TAOK3: variants seen among roughly 807,000 people sequenced by gnomAD.
The protein encoded by TAOK3 is TAO kinase 3.
Under a neutral mutation model 120.4 loss-of-function variants are expected in TAOK3, and 40 were observed. The ratio of observed to expected loss-of-function variants is 0.33; its 90% CI spans 0.26 to 0.43. The LOEUF is 0.43. Ranked by LOEUF, TAOK3 falls within the 20% of genes least tolerant of loss-of-function variation. TAOK3 has a pLI of 1.00. For missense variants in TAOK3, 821 were observed against 1,112.1 expected (o/e 0.74, Z 3.72); for synonymous variants, 355 against 387.5 (o/e 0.92, Z 0.99).
chr12:118,251,732 C>T (rs1447640426), intron 3 of TAOK3, among the ~76,000 whole-genome samples: 1 of 152,106 alleles, frequency 6.6e-6, no homozygotes, highest in Non-Finnish European at 1.5e-5. Flanking sequence ...TCTCATTTTG[C>T]CACTATTATA....
chr12:118,151,257 C>T, intron 20 of TAOK3, 99 bp from the exon 21 acceptor site: 2 of 1,217,340 alleles, frequency 1.6e-6, no homozygotes, highest in Non-Finnish European at 2.3e-6. Context: ...CATGCACACA[C>T]ACATAGGCAC....
At chr12:118,223,742 C>G (rs1253746927) in intron 9 of TAOK3, among the ~76,000 whole-genome samples, 1 of 150,794 alleles carries the variant, frequency 6.6e-6, no homozygotes, top group African/African-American at 2.4e-5. Flanking sequence ...CTCCTGGGTT[C>G]AAGCAATTCC....
intron 15 of TAOK3, among the ~76,000 whole-genome samples, chr12:118,180,846 TA>T (rs1253141703): frequency 5.9e-5 from 9 of 151,374 alleles, no homozygotes; most frequent in African/African-American, 2.2e-4. Flanking sequence ...TACATAAGTA[TA>T]ATTTTTTTTT....
chr12:118,305,814 G>A (rs2043030755), intron 1 of TAOK3, among the ~76,000 whole-genome samples: 1 of 149,452 alleles, frequency 6.7e-6, no homozygotes, highest in South Asian at 2.1e-4. Context: ...TGAGGAAGGA[G>A]CATTGCTTGA....
intron 1 of TAOK3, among the ~76,000 whole-genome samples, chr12:118,333,106 A>G (rs76025774): frequency 0.014 from 2,159 of 152,254 alleles, 47 homozygotes; most frequent in African/African-American, 0.048. Context: ...CAAAGACAAA[A>G]GAATTGAACA....
intron 15 of TAOK3, among the ~76,000 whole-genome samples, chr12:118,178,314 C>T (rs1032242834): frequency 1.3e-5 from 2 of 152,110 alleles, no homozygotes; most frequent in African/African-American, 4.8e-5. Flanking sequence ...TTGTTGATAG[C>T]CCAAAGGTTA....
chr12:118,317,519 G>A (rs1475908351), intron 1 of TAOK3, among the ~76,000 whole-genome samples: 6 of 151,812 alleles, frequency 4.0e-5, no homozygotes, highest in African/African-American at 1.5e-4. Context: ...GGATGGTCTC[G>A]ATCTCCTGAC....
chr12:118,204,018 C>T lies in TAOK3; in HGVS notation c.820-2555G>A, dbSNP rs185121712. ...TGGTGGCTCACATCTGTAATCCCAG[C>T]ACTTTGGAAGGCCGAGGCAGGCTGA... is the stretch of plus-strand genomic sequence containing the variant. On this transcript the variant is annotated intron_variant, in intron 11 of 20. Transcript: ENST00000392533. Among the ~76,000 whole-genome samples the T allele has an allele frequency of 6.5e-3, 982 of 152,162 alleles. 13 individuals are homozygous for T. Among genetic ancestry groups the T allele is most frequent in the African/African-American group, 0.022 (929 of 41,508 alleles).
chr12:118,340,794 T>A (rs1056868372), intron 1 of TAOK3, among the ~76,000 whole-genome samples: 16 of 150,082 alleles, frequency 1.1e-4, no homozygotes, highest in Admixed American at 3.3e-4. Context: ...AAAAAAAACA[T>A]TGGCCGCACA....
intron 15 of TAOK3, among the ~76,000 whole-genome samples, chr12:118,177,717 G>A (rs1254235095): frequency 6.6e-6 from 1 of 152,038 alleles, no homozygotes; most frequent in East Asian, 1.9e-4. Context: ...CAGCTACTCT[G>A]GAGGCTGAGG....
At chr12:118,298,731 C>A (rs74831223) in intron 1 of TAOK3, among the ~76,000 whole-genome samples, 3,091 of 152,254 alleles carry the variant, frequency 0.02, 110 homozygotes, top group African/African-American at 0.071. Context: ...TTGTTACTAT[C>A]AACTTGGATA....
chr12:118,346,103 C>A (rs1353422222), intron 1 of TAOK3, among the ~76,000 whole-genome samples: 1 of 152,096 alleles, frequency 6.6e-6, no homozygotes, highest in African/African-American at 2.4e-5. Context: ...TTATTTTGTT[C>A]TAACTACTCA....
Position 118,149,919 on chromosome 12 carries a change from CTTT to C in TAOK3, c.*1075_*1077del, listed in dbSNP as rs200513090. On this transcript the variant is annotated 3_prime_UTR_variant, in exon 21 of 21. Coordinates refer to ENST00000392533, the MANE Select transcript of TAOK3 (RefSeq NM_016281.4). ...AAAGTGCATGCAAAAGAAGTAAAGC[CTTT>C]TTTTTTTTCATCATTTTTTATTGTA... 6.9e-6 allele frequency: 1 copy of C among 145,358 alleles called. No homozygotes were observed. The highest frequency in any genetic ancestry group is 1.5e-5 in the Non-Finnish European group (1 of 65,988). The allele number at this position is 145,358 out of a possible 1,614,324, so 9.0% of individuals were successfully genotyped here. A position where few individuals can be genotyped will look rare whatever the true frequency, so the allele number is the denominator to read the frequency against.
chr12:118,334,949 T>C (rs1289935069), intron 1 of TAOK3, among the ~76,000 whole-genome samples: 2 of 149,606 alleles, frequency 1.3e-5, no homozygotes, highest in African/African-American at 4.9e-5. Context: ...GAGGCTGAGA[T>C]GGGTGGATCA....
intron 1 of TAOK3, among the ~76,000 whole-genome samples, chr12:118,275,926 G>A (rs895870287): frequency 6.6e-6 from 1 of 152,154 alleles, no homozygotes; most frequent in Admixed American, 6.6e-5. Context: ...TGGTACAGGC[G>A]AGGGAATAGC....
chr12:118,173,610 G>C (rs1470874149), intron 16 of TAOK3, among the ~76,000 whole-genome samples: 1 of 152,016 alleles, frequency 6.6e-6, no homozygotes, highest in Non-Finnish European at 1.5e-5. Flanking sequence ...TTGAATTTTA[G>C]GAAAAAACAT....
chr12:118,368,978 G>A (rs1394756702), intron 1 of TAOK3, among the ~76,000 whole-genome samples: 1 of 140,536 alleles, frequency 7.1e-6, no homozygotes, highest in Admixed American at 7.3e-5. Context: ...GGGCAATGTT[G>A]TGAAATCCCA....
At chr12:118,276,458 T>C (rs1008585900) in intron 1 of TAOK3, among the ~76,000 whole-genome samples, 1 of 152,254 alleles carries the variant, frequency 6.6e-6, no homozygotes, top group East Asian at 1.9e-4. Context: ...TCCCAGCACT[T>C]TGGGAGGCCG....
At chr12:118,242,742 C>T (rs1189333411) in intron 5 of TAOK3, among the ~76,000 whole-genome samples, 3 of 151,928 alleles carry the variant, frequency 2.0e-5, no homozygotes, top group Admixed American at 6.6e-5. Flanking sequence ...TGCCTGTAGT[C>T]CCAGCTACTC....
Sources: allele counts gnomAD v4.1 joint callset (sites outside exome capture counted in the v4.1 genomes callset), GRCh38; gene constraint gnomAD v4.1.1; transcripts MANE v1.5; gene names NCBI Gene and HGNC (gene_info 2026-07-23, HGNC 2026-07-21).